Variants in SLC17A6 observed in about 807,000 individuals in gnomAD.
SLC17A6 encodes solute carrier family 17 member 6.
Under a neutral mutation model 67.1 loss-of-function variants are expected in SLC17A6, and 35 were observed. The ratio of observed to expected loss-of-function variants is 0.52; its 90% CI spans 0.40 to 0.69. SLC17A6 has a LOEUF of 0.69. Ranked by LOEUF, SLC17A6 falls within the 30% of genes least tolerant of loss-of-function variation. SLC17A6 has a pLI of 0.00. For missense variants in SLC17A6, 588 were observed against 723.9 expected (o/e 0.81, Z 2.15); for synonymous variants, 285 against 252.3 (o/e 1.13, Z -1.23).
intron 7 of SLC17A6, among the ~76,000 whole-genome samples, chr11:22,368,671 A>G: frequency 6.6e-6 from 1 of 152,040 alleles, no homozygotes; most frequent in Non-Finnish European, 1.5e-5. Flanking sequence ...TTCTGGAGTC[A>G]TTTCTTATGC....
At chr11:22,363,773 G>A (rs1176031436) in intron 6 of SLC17A6, among the ~76,000 whole-genome samples, 1 of 151,888 alleles carries the variant, frequency 6.6e-6, no homozygotes, top group African/African-American at 2.4e-5. Flanking sequence ...ATAGGTATTC[G>A]TGAACATTTT....
chr11:22,370,347 C>A (rs1856161588), intron 8 of SLC17A6, among the ~76,000 whole-genome samples, 159 bp downstream of exon 8: 2 of 152,056 alleles, frequency 1.3e-5, no homozygotes, highest in African/African-American at 4.8e-5. Context: ...TAAAATGTTT[C>A]ATTGTCTACT....
Position 22,361,155 on chromosome 11 carries a change from C to T in SLC17A6, c.661+171C>T, listed in dbSNP as rs1190976840. The T allele has an allele frequency of 9.6e-6, 5 of 519,724 alleles. No homozygotes were observed. In the East Asian group the frequency reaches 1.2e-4, roughly 12 times the overall value. 32.2% of individuals were successfully genotyped at this position (519,724 alleles called of 1,614,324 possible). A position where few individuals can be genotyped will look rare whatever the true frequency, so the allele number is the denominator to read the frequency against. On this transcript the variant is annotated intron_variant, in intron 5 of 11. Coordinates refer to ENST00000263160, the MANE Select transcript of SLC17A6 (RefSeq NM_020346.3). ...CCATTTCTTTAGTTTTATTGTTTTG[C>T]TTAAATCTTCTATTTATTCTTGTGT...
chr11:22,377,355 T>C (rs1281633411), intron 11 of SLC17A6, 50 bp from the exon 12 acceptor site: 5 of 1,503,164 alleles, frequency 3.3e-6, no homozygotes, highest in Non-Finnish European at 9.0e-7. Context: ...ATGTTAGGCG[T>C]TTAAATCATG....
chr11:22,372,024 CTT>C (rs1041549166), intron 8 of SLC17A6, among the ~76,000 whole-genome samples: 121 of 151,966 alleles, frequency 8.0e-4, no homozygotes, highest in African/African-American at 2.9e-3. Flanking sequence ...ATGGTATTAA[CTT>C]AATACCATTA....
At chr11:22,360,784 A>G (rs1447223604) in intron 4 of SLC17A6, 113 bp from the exon 5 acceptor site, 1 of 824,588 alleles carries the variant, frequency 1.2e-6, no homozygotes, top group East Asian at 2.6e-5. Context: ...TAATCAGAAA[A>G]AAAGAAAATT....
At chr11:22,340,448 C>G (rs1480099890) in intron 1 of SLC17A6, among the ~76,000 whole-genome samples, 1 of 152,192 alleles carries the variant, frequency 6.6e-6, no homozygotes, top group Non-Finnish European at 1.5e-5. Flanking sequence ...TCATTTGTCC[C>G]TTCTCCCAAG....
rs57725309 is a variant in SLC17A6, at chr11:22,339,151, A to ATATGTTATATATATATGTTATATATAT, written c.86+532_86+533insTATGTTATATATATATGTTATATATAT. On this transcript the variant is annotated intron_variant, in intron 1 of 11. Coordinates refer to ENST00000263160, the MANE Select transcript of SLC17A6 (RefSeq NM_020346.3). Reference sequence around the variant, plus strand: ...TATGTTATATATATATGTTATATATAGTTATATATATATGTTATATATATA... The same window carrying ATATGTTATATATATATGTTATATATAT: ...TATGTTATATATATATGTTATATATATATGTTATATATATATGTTATATATATGTTATATATATATGTTATATATATA... Among the ~76,000 whole-genome samples, 24 of 29,798 alleles carry ATATGTTATATATATATGTTATATATAT rather than the reference A, an allele frequency of 8.1e-4. 2 individuals are homozygous for ATATGTTATATATATATGTTATATATAT. The highest frequency in any genetic ancestry group is 5.5e-3 in the East Asian group (4 of 728). The allele number at this position is 29,798 out of a possible 152,430, so 19.5% of individuals were successfully genotyped here. A position where few individuals can be genotyped will look rare whatever the true frequency, so the allele number is the denominator to read the frequency against.
chr11:22,344,570 T>C (rs955243748), intron 3 of SLC17A6, among the ~76,000 whole-genome samples: 3 of 152,136 alleles, frequency 2.0e-5, no homozygotes, highest in African/African-American at 7.2e-5. Context: ...GTGCCATACA[T>C]TAGGAATAAT....
chr11:22,344,845 A>G (rs1282516060), intron 3 of SLC17A6, among the ~76,000 whole-genome samples: 1 of 152,166 alleles, frequency 6.6e-6, no homozygotes, highest in African/African-American at 2.4e-5. Flanking sequence ...AGCATGTTAT[A>G]TTTTTGGTTT....
intron 3 of SLC17A6, 125 bp downstream of exon 3, chr11:22,343,490 C>T: frequency 1.4e-6 from 1 of 697,990 alleles, no homozygotes; most frequent in African/African-American, 1.8e-5. Context: ...GTCTTCTAGT[C>T]CCTTGACACA....
At chr11:22,357,172 T>C (rs1309815278) in intron 3 of SLC17A6, among the ~76,000 whole-genome samples, 2 of 152,204 alleles carry the variant, frequency 1.3e-5, no homozygotes, top group African/African-American at 2.4e-5. Flanking sequence ...ATTTTACTTA[T>C]CTTAGGTTTA....
Position 22,359,544 on chromosome 11 carries a change from T to C in SLC17A6, c.573+17T>C, listed in dbSNP as rs753440060. ...CTTGTTGAGGTATGTAACTTCAGGGTGAAGCCTTTTTAAGATTGGCATTTG... is the reference window on the plus strand; with the variant it reads ...CTTGTTGAGGTATGTAACTTCAGGGCGAAGCCTTTTTAAGATTGGCATTTG... On this transcript the variant is annotated intron_variant, in intron 4 of 11. Coordinates refer to ENST00000263160, the MANE Select transcript of SLC17A6 (RefSeq NM_020346.3). 10 of 1,504,036 alleles carry C rather than the reference T, an allele frequency of 6.6e-6. No individual in the cohort carries two copies. The South Asian group carries it at 7.9e-5, about 12-fold the overall frequency. 93.2% of individuals were successfully genotyped at this position (1,504,036 alleles called of 1,614,324 possible).
chr11:22,368,455 A>G (rs1856137556), intron 7 of SLC17A6, among the ~76,000 whole-genome samples: 1 of 152,052 alleles, frequency 6.6e-6, no homozygotes, highest in Non-Finnish European at 1.5e-5. Flanking sequence ...ATAAACAGGG[A>G]GTTCAATAAA....
rs979917409 is a variant in SLC17A6, at chr11:22,376,444, G to C, written c.1286-101G>C. The stretch of plus-strand genomic sequence containing the variant: ...CACAAAGTAATTAAGCACGTGTTCT[G>C]TACCCAGTATATTTTAAGGAGTTGT... On this transcript the variant is annotated intron_variant, in intron 10 of 11. Transcript: ENST00000263160. 4.6e-6 allele frequency: 6 copies of C among 1,312,196 alleles called. No individual in the cohort carries two copies. In the South Asian group the frequency reaches 6.6e-5, roughly 14 times the overall value. 81.3% of individuals were successfully genotyped at this position (1,312,196 alleles called of 1,614,324 possible).
chr11:22,359,375 G>C, intron 3 of SLC17A6, 38 bp from the exon 4 acceptor site: 1 of 1,313,918 alleles, frequency 7.6e-7, no homozygotes, highest in East Asian at 2.5e-5. Context: ...ATAAGATGCT[G>C]AATCATTTAA....
At chr11:22,366,910 A>G (rs1045584967) in intron 7 of SLC17A6, among the ~76,000 whole-genome samples, 1 of 151,330 alleles carries the variant, frequency 6.6e-6, no homozygotes, top group Non-Finnish European at 1.5e-5. Context: ...GAAGGCTAAG[A>G]CAGAGGAATT....
rs1000549639 is a variant in SLC17A6 at position 22,365,725 on chromosome 11, T to C, written c.891+36T>C. Reference sequence around the variant, plus strand: ...TATTATGGTGTATATTCCTATCTTATTCCCATCTCGCCCCCATTGACCAAC... The same window carrying C: ...TATTATGGTGTATATTCCTATCTTACTCCCATCTCGCCCCCATTGACCAAC... On this transcript the variant is annotated intron_variant, in intron 7 of 11. Transcript: ENST00000263160. 1.2e-5 allele frequency: 19 copies of C among 1,583,018 alleles called. No individual in the cohort carries two copies. In the African/African-American group the frequency reaches 2.4e-4, roughly 20 times the overall value.
chr11:22,374,384 T>C (rs1415451331), intron 8 of SLC17A6, among the ~76,000 whole-genome samples: 1 of 152,194 alleles, frequency 6.6e-6, no homozygotes, highest in Non-Finnish European at 1.5e-5. Flanking sequence ...ATACAGCTTC[T>C]TCAGGATGTG....
Sources: allele counts gnomAD v4.1 joint callset (sites outside exome capture counted in the v4.1 genomes callset), GRCh38; gene constraint gnomAD v4.1.1; transcripts MANE v1.5; gene names NCBI Gene and HGNC (gene_info 2026-07-23, HGNC 2026-07-21).